OSTF1: variants seen among roughly 807,000 people sequenced by gnomAD.
The protein encoded by OSTF1 is osteoclast-stimulating factor 1.
Under a neutral mutation model 37.2 loss-of-function variants are expected in OSTF1, and 27 were observed. The ratio of observed to expected loss-of-function variants is 0.73; its 90% CI spans 0.54 to 1.00. The LOEUF is 1.00. Ranked by LOEUF, OSTF1 falls within the 50% of genes least tolerant of loss-of-function variation. The pLI is 0.00. For missense variants in OSTF1, 232 were observed against 253.8 expected, an observed-to-expected ratio of 0.91 and a Z score of 0.58; for synonymous variants, 82 against 89.2, an observed-to-expected ratio of 0.92 and a Z score of 0.46.
At chr9:75,134,481 T>C (rs1825813413) in intron 7 of OSTF1, 86 bp downstream of exon 7, 1 of 689,282 alleles carries the variant, frequency 1.5e-6, no homozygotes. Context: ...TGAAGTATTG[T>C]AGTCAAAATC....
At chr9:75,090,861 T>C (rs1037210295) in intron 1 of OSTF1, among the ~76,000 whole-genome samples, 2 of 152,204 alleles carry the variant, frequency 1.3e-5, no homozygotes, top group African/African-American at 4.8e-5. Context: ...TGTCCCACAT[T>C]TACTGTGTGT....
intron 2 of OSTF1, among the ~76,000 whole-genome samples, chr9:75,125,785 G>A (rs1267083202): frequency 1.3e-5 from 2 of 152,216 alleles, no homozygotes; most frequent in Non-Finnish European, 2.9e-5. Flanking sequence ...TAATAAGAAT[G>A]TAGATCAGCT....
intron 1 of OSTF1, among the ~76,000 whole-genome samples, chr9:75,101,113 G>T (rs74949228): frequency 1.3e-3 from 198 of 152,262 alleles, no homozygotes; most frequent in African/African-American, 4.7e-3. Context: ...AGATCCTCCT[G>T]ACTTCTGCTT....
At chr9:75,128,395 TATATATATATA>T in intron 3 of OSTF1, among the ~76,000 whole-genome samples, 2 of 97,986 alleles carry the variant, frequency 2.0e-5, no homozygotes, top group African/African-American at 8.4e-5. Context: ...TATATATATA[TATATATATATA>T]TTTTGTCCAT....
intron 9 of OSTF1, among the ~76,000 whole-genome samples, chr9:75,143,521 C>T (rs754594547): frequency 6.6e-6 from 1 of 152,202 alleles, no homozygotes; most frequent in Non-Finnish European, 1.5e-5. Context: ...ATTAGTTCTG[C>T]CCGTTCGTGA....
chr9:75,126,963 A>T (rs984723892), intron 2 of OSTF1, among the ~76,000 whole-genome samples: 4 of 152,168 alleles, frequency 2.6e-5, no homozygotes, highest in African/African-American at 9.7e-5. Flanking sequence ...CCAACTCCTT[A>T]GAGCTGCTTG....
At chr9:75,125,882 G>C (rs1452323430) in intron 2 of OSTF1, among the ~76,000 whole-genome samples, 1 of 152,032 alleles carries the variant, frequency 6.6e-6, no homozygotes, top group African/African-American at 2.4e-5. Context: ...AAAAATGAAT[G>C]GATGAAATAT....
chr9:75,127,255 A>C (rs893200358), intron 2 of OSTF1, among the ~76,000 whole-genome samples: 6 of 152,218 alleles, frequency 3.9e-5, no homozygotes, highest in Non-Finnish European at 7.3e-5. Flanking sequence ...ACCACCTTTT[A>C]GAATTTCTAC....
chr9:75,131,500 GGTTT>G (rs567902214), intron 4 of OSTF1, among the ~76,000 whole-genome samples: 13 of 152,206 alleles, frequency 8.5e-5, no homozygotes, highest in Middle Eastern at 3.4e-3. Context: ...CAGGTATGCG[GGTTT>G]GTTTGTTTTT....
chr9:75,093,274 ACT>A (rs1164848101), intron 1 of OSTF1, among the ~76,000 whole-genome samples: 3 of 151,650 alleles, frequency 2.0e-5, no homozygotes, highest in Non-Finnish European at 4.4e-5. Flanking sequence ...GTTTTCAGCC[ACT>A]CTCAGAAGCC....
At chr9:75,144,370 G>A (rs1825988486) in intron 9 of OSTF1, among the ~76,000 whole-genome samples, 1 of 152,118 alleles carries the variant, frequency 6.6e-6, no homozygotes, top group Non-Finnish European at 1.5e-5. Flanking sequence ...GGACAACATA[G>A]TGAGATGACG....
chr9:75,091,895 T>C (rs1161279362), intron 1 of OSTF1, among the ~76,000 whole-genome samples: 1 of 152,236 alleles, frequency 6.6e-6, no homozygotes, highest in African/African-American at 2.4e-5. Context: ...ATGTGTCACT[T>C]ACTCTGAAAA....
intron 8 of OSTF1, 120 bp downstream of exon 8, chr9:75,137,736 T>G: frequency 1.5e-6 from 1 of 668,626 alleles, no homozygotes; most frequent in Non-Finnish European, 2.7e-6. Flanking sequence ...GGTTTAACCT[T>G]TGCTCTGCCT....
intron 2 of OSTF1, among the ~76,000 whole-genome samples, chr9:75,121,695 G>A (rs1411747570): frequency 6.6e-6 from 1 of 152,158 alleles, no homozygotes; most frequent in Admixed American, 6.5e-5. Flanking sequence ...TTCTGAATGA[G>A]AATTTCTGTT....
At chr9:75,110,538 A>G (rs528890316) in intron 1 of OSTF1, among the ~76,000 whole-genome samples, 24 of 152,296 alleles carry the variant, frequency 1.6e-4, no homozygotes, top group African/African-American at 5.1e-4. Context: ...AGTAGTTATC[A>G]TAGCCATTGT....
intron 1 of OSTF1, among the ~76,000 whole-genome samples, chr9:75,093,299 T>C (rs994930861): frequency 6.6e-6 from 1 of 152,176 alleles, no homozygotes; most frequent in Non-Finnish European, 1.5e-5. Context: ...GCAGTTCAAT[T>C]AGCGTGAATC....
intron 1 of OSTF1, among the ~76,000 whole-genome samples, chr9:75,109,396 G>T (rs1005701456): frequency 3.3e-5 from 5 of 152,096 alleles, no homozygotes; most frequent in African/African-American, 1.2e-4. Flanking sequence ...TTAGCATTTG[G>T]TCATTTGGCA....
At chr9:75,120,431 G>A (rs1825561032) in intron 2 of OSTF1, among the ~76,000 whole-genome samples, 2 of 152,032 alleles carry the variant, frequency 1.3e-5, no homozygotes, top group African/African-American at 4.8e-5. Flanking sequence ...GTGAGGGGTG[G>A]TTAGGTGCCA....
intron 2 of OSTF1, among the ~76,000 whole-genome samples, chr9:75,124,211 A>G (rs897233002): frequency 2.0e-5 from 3 of 152,204 alleles, no homozygotes; most frequent in African/African-American, 7.2e-5. Context: ...CAGGCATGCA[A>G]TGTGGAATCA....
Sources: allele counts gnomAD v4.1 joint callset (sites outside exome capture counted in the v4.1 genomes callset), GRCh38; gene constraint gnomAD v4.1.1; transcripts MANE v1.5; gene names NCBI Gene and HGNC (gene_info 2026-07-23, HGNC 2026-07-21).